Variants in SEM1 observed in about 807,000 individuals in gnomAD.
SEM1 encodes 26S proteasome complex subunit SEM1.
A neutral mutation model predicts 12.7 loss-of-function variants in SEM1; 3 were observed. That is an observed-to-expected ratio of 0.24 (90% CI 0.11 to 0.61). The LOEUF is 0.61. Ranked by LOEUF, SEM1 falls within the 20% of genes least tolerant of loss-of-function variation. SEM1 has a pLI of 0.88. For synonymous variants in SEM1, 30 were observed against 27.8 expected, an observed-to-expected ratio of 1.08 and a Z score of -0.25; for missense variants, 59 against 81.3, an observed-to-expected ratio of 0.73 and a Z score of 1.06.
chr7:96,691,079 C>T (rs1200678961), intron 2 of SEM1, among the ~76,000 whole-genome samples: 1 of 152,052 alleles, frequency 6.6e-6, no homozygotes, highest in Non-Finnish European at 1.5e-5. Flanking sequence ...CCTATACTGG[C>T]TTCTTAGAGT....
chr7:96,548,799 A>G (rs1805179989), intron 2 of SEM1, among the ~76,000 whole-genome samples: 1 of 152,190 alleles, frequency 6.6e-6, no homozygotes, highest in Non-Finnish European at 1.5e-5. Flanking sequence ...CAATCAACAA[A>G]TATTTGTTGA....
At chr7:96,654,965 T>G (rs542194817) in intron 2 of SEM1, among the ~76,000 whole-genome samples, 1 of 152,256 alleles carries the variant, frequency 6.6e-6, no homozygotes, top group South Asian at 2.1e-4. Flanking sequence ...GTCCCCTCCC[T>G]TGGCAGTATA....
At chr7:96,675,143 AG>A (rs138060681) in intron 2 of SEM1, among the ~76,000 whole-genome samples, 17,383 of 152,016 alleles carry the variant, frequency 0.11, 1,563 homozygotes, top group African/African-American at 0.24. Context: ...TGGAAAATAT[AG>A]TTGCATTTCT....
At chr7:96,679,608 A>G (rs930983964) in intron 2 of SEM1, among the ~76,000 whole-genome samples, 21 of 152,138 alleles carry the variant, frequency 1.4e-4, no homozygotes, top group African/African-American at 3.9e-4. Context: ...ATAAAAAAGT[A>G]TATTTCTTAG....
chr7:96,644,942 G>A (rs1180323489), intron 2 of SEM1, among the ~76,000 whole-genome samples: 1 of 152,050 alleles, frequency 6.6e-6, no homozygotes, highest in Admixed American at 6.6e-5. Context: ...CAGATTCCAA[G>A]AGTTTTTATA....
At chr7:96,649,228 T>G (rs1808891804) in intron 2 of SEM1, 2 of 152,212 alleles carry the variant, frequency 1.3e-5, no homozygotes, top group Non-Finnish European at 2.9e-5. Flanking sequence ...TAAACCAATA[T>G]GTACAGATGG....
At chr7:96,485,605 C>T (rs1017908410) in intron 2 of SEM1, among the ~76,000 whole-genome samples, 6 of 124,930 alleles carry the variant, frequency 4.8e-5, no homozygotes, top group South Asian at 2.6e-4. Context: ...TGCAGTGGTG[C>T]GATCTCGGCT....
chr7:96,660,971 A>G (rs1352346683), intron 2 of SEM1, among the ~76,000 whole-genome samples: 1 of 152,222 alleles, frequency 6.6e-6, no homozygotes, highest in Non-Finnish European at 1.5e-5. Context: ...AGTGAAAGGA[A>G]GCTAGGAAGA....
intron 2 of SEM1, chr7:96,623,062 T>A (rs1807945419): frequency 6.3e-6 from 1 of 158,956 alleles, no homozygotes; most frequent in African/African-American, 2.4e-5. Context: ...TAAAGAAGAC[T>A]GCCCTCCCCA....
chr7:96,654,099 A>C (rs1483829483), intron 2 of SEM1, among the ~76,000 whole-genome samples: 1 of 152,230 alleles, frequency 6.6e-6, no homozygotes, highest in African/African-American at 2.4e-5. Context: ...AGGAAGCCCT[A>C]TATTTGTAAT....
At chr7:96,491,935 G>T (rs1026647834) in intron 1 of SEM1, among the ~76,000 whole-genome samples, 2 of 152,124 alleles carry the variant, frequency 1.3e-5, no homozygotes, top group Non-Finnish European at 2.9e-5. Flanking sequence ...AGAAAAAGAG[G>T]CATACAGCTA....
intron 2 of SEM1, among the ~76,000 whole-genome samples, chr7:96,563,644 G>T (rs77493457): frequency 0.017 from 2,535 of 152,160 alleles, 55 homozygotes; most frequent in East Asian, 0.072. Context: ...TGGAATATTG[G>T]GTGAAGTTAG....
chr7:96,585,508 G>C (rs1210298584), intron 2 of SEM1, among the ~76,000 whole-genome samples: 4 of 152,352 alleles, frequency 2.6e-5, no homozygotes, highest in Admixed American at 1.3e-4. Flanking sequence ...GTTGGAACTT[G>C]CCAGCTGCTT....
At chr7:96,606,854 T>G (rs1807395806) in intron 2 of SEM1, among the ~76,000 whole-genome samples, 1 of 152,206 alleles carries the variant, frequency 6.6e-6, no homozygotes, top group Admixed American at 6.5e-5. Context: ...TTATTTGCTA[T>G]TTTTCTGCCT....
chr7:96,592,295 T>C (rs918052832), intron 2 of SEM1, among the ~76,000 whole-genome samples: 5 of 151,840 alleles, frequency 3.3e-5, no homozygotes, highest in African/African-American at 9.7e-5. Flanking sequence ...TTGACCAAGA[T>C]TTTTCAGCTT....
intron 2 of SEM1, among the ~76,000 whole-genome samples, chr7:96,507,487 C>T (rs1465814057): frequency 6.6e-6 from 1 of 152,120 alleles, no homozygotes; most frequent in Non-Finnish European, 1.5e-5. Context: ...CTTTCAGCCT[C>T]TTTGCCTACA....
intron 2 of SEM1, among the ~76,000 whole-genome samples, chr7:96,525,328 T>C (rs933024843): frequency 2.6e-5 from 4 of 151,916 alleles, no homozygotes; most frequent in Non-Finnish European, 5.9e-5. Context: ...GGAAACTCTG[T>C]GGGTGGGACC....
intron 2 of SEM1, among the ~76,000 whole-genome samples, chr7:96,555,449 C>T (rs1399856289): frequency 7.0e-6 from 1 of 142,254 alleles, no homozygotes; most frequent in Non-Finnish European, 1.6e-5. Flanking sequence ...CGTTATGTAC[C>T]CAGTAGTCAT....
intron 1 of SEM1, among the ~76,000 whole-genome samples, chr7:96,491,024 G>A (rs961929542): frequency 6.6e-6 from 1 of 152,198 alleles, no homozygotes. Context: ...GAATACTGAT[G>A]TGGGGTATAC....
Sources: gnomAD v4.1 joint callset for allele counts (sites outside exome capture counted in the v4.1 genomes callset) on GRCh38, gnomAD v4.1.1 for gene constraint, MANE v1.5 for transcripts, NCBI Gene and HGNC (gene_info 2026-07-23, HGNC 2026-07-21) for gene names.